Variants in PARD3B observed in about 807,000 individuals in gnomAD.
PARD3B encodes the protein partitioning defective 3 homolog B.
PARD3B carries 103 observed loss-of-function variants against 130.2 expected under a neutral mutation model. The observed-to-expected ratio is 0.79, with a 90% CI of 0.67 to 0.93. The LOEUF is 0.93. Ranked by LOEUF, PARD3B falls within the 40% of genes least tolerant of loss-of-function variation. PARD3B has a pLI of 0.00. For missense variants in PARD3B, 1,609 were observed against 1,499.2 expected, an observed-to-expected ratio of 1.07 and a Z score of -1.21; for synonymous variants, 583 against 553.2, an observed-to-expected ratio of 1.05 and a Z score of -0.76.
At chr2:204,905,438 T>G (rs2047010183) in intron 2 of PARD3B, among the ~76,000 whole-genome samples, 1 of 152,192 alleles carries the variant, frequency 6.6e-6, no homozygotes, top group African/African-American at 2.4e-5. Context: ...TTAAATAAAT[T>G]GTGGTTTATT....
intron 10 of PARD3B, among the ~76,000 whole-genome samples, chr2:205,152,658 ATCTTTTTT>A (rs1240589341): frequency 1.3e-5 from 2 of 152,114 alleles, no homozygotes; most frequent in Non-Finnish European, 2.9e-5. Flanking sequence ...CATTCGTCTA[ATCTTTTTT>A]CAAGGTTTTT....
At chr2:205,547,178 A>C (rs1418594866) in intron 21 of PARD3B, among the ~76,000 whole-genome samples, 1 of 152,188 alleles carries the variant, frequency 6.6e-6, no homozygotes, top group African/African-American at 2.4e-5. Flanking sequence ...ACATGTTTAC[A>C]TATTTGAAAG....
chr2:204,577,209 G>A (rs2032307864), intron 1 of PARD3B, among the ~76,000 whole-genome samples: 1 of 152,124 alleles, frequency 6.6e-6, no homozygotes, highest in South Asian at 2.1e-4. Context: ...GGAACCTTGG[G>A]CATAGAAAGT....
At chr2:205,505,078 A>T (rs1367737221) in intron 21 of PARD3B, among the ~76,000 whole-genome samples, 1 of 152,234 alleles carries the variant, frequency 6.6e-6, no homozygotes. Flanking sequence ...TGATGAGTTC[A>T]TGTCGTTTGT....
intron 2 of PARD3B, among the ~76,000 whole-genome samples, chr2:204,748,938 T>A (rs2040354247): frequency 6.6e-6 from 1 of 152,158 alleles, no homozygotes; most frequent in Non-Finnish European, 1.5e-5. Context: ...AGATGGAGAA[T>A]TTGTTCTTGC....
intron 20 of PARD3B, among the ~76,000 whole-genome samples, chr2:205,487,030 C>A (rs530126052): frequency 1.3e-5 from 2 of 152,296 alleles, no homozygotes; most frequent in African/African-American, 4.8e-5. Context: ...GTATATAATT[C>A]TGTGTTTATT....
chr2:205,107,806 C>A (rs1445334055), intron 5 of PARD3B, among the ~76,000 whole-genome samples: 1 of 152,208 alleles, frequency 6.6e-6, no homozygotes, highest in Non-Finnish European at 1.5e-5. Flanking sequence ...TGAAGCACCA[C>A]TCAACTTATT....
intron 18 of PARD3B, among the ~76,000 whole-genome samples, chr2:205,399,975 A>G (rs149023710): frequency 2.4e-4 from 37 of 152,238 alleles, no homozygotes; most frequent in African/African-American, 8.4e-4. Flanking sequence ...GTCTTGGTCA[A>G]GGTTCGACAC....
intron 10 of PARD3B, among the ~76,000 whole-genome samples, chr2:205,131,615 G>A (rs957040396): frequency 2.0e-5 from 3 of 152,176 alleles, no homozygotes; most frequent in African/African-American, 7.2e-5. Flanking sequence ...TTCAAAGTAT[G>A]TCAGGAACCA....
At chr2:205,537,154 T>G (rs1251379931) in intron 21 of PARD3B, among the ~76,000 whole-genome samples, 2 of 152,144 alleles carry the variant, frequency 1.3e-5, no homozygotes, top group Admixed American at 1.3e-4. Flanking sequence ...ATTCTCCAAC[T>G]GAGCCCACTA....
At chr2:205,455,302 A>G (rs1012205197) in intron 20 of PARD3B, among the ~76,000 whole-genome samples, 3 of 152,128 alleles carry the variant, frequency 2.0e-5, no homozygotes, top group African/African-American at 7.2e-5. Flanking sequence ...TCATTATACA[A>G]TCTTTGCTGA....
chr2:204,561,430 G>A (rs1168215102), intron 1 of PARD3B, among the ~76,000 whole-genome samples: 2 of 152,098 alleles, frequency 1.3e-5, no homozygotes, highest in Non-Finnish European at 2.9e-5. Flanking sequence ...GCTGAGCTGA[G>A]TGGACTTTCT....
chr2:205,328,452 A>T (rs1249042031), intron 18 of PARD3B, among the ~76,000 whole-genome samples: 2 of 152,176 alleles, frequency 1.3e-5, no homozygotes, highest in Non-Finnish European at 2.9e-5. Context: ...AATGGTTTTT[A>T]TAAGTAAATA....
At chr2:204,986,137 G>T (rs1693129543) in intron 3 of PARD3B, among the ~76,000 whole-genome samples, 1 of 146,106 alleles carries the variant, frequency 6.8e-6, no homozygotes, top group Admixed American at 6.9e-5. Context: ...GAGCTTATCT[G>T]GGCCCATATG....
chr2:204,551,852 A>G (rs981830481), intron 1 of PARD3B, among the ~76,000 whole-genome samples: 1 of 152,180 alleles, frequency 6.6e-6, no homozygotes, highest in Non-Finnish European at 1.5e-5. Flanking sequence ...TGTTAAAGAC[A>G]TCTGAGGAGT....
chr2:205,008,919 A>C (rs566052464), intron 3 of PARD3B, among the ~76,000 whole-genome samples: 4 of 152,224 alleles, frequency 2.6e-5, no homozygotes, highest in Non-Finnish European at 5.9e-5. Flanking sequence ...ACATGAGAAG[A>C]GTCTCAGAAA....
At chr2:204,707,556 A>G (rs1204495956) in intron 2 of PARD3B, among the ~76,000 whole-genome samples, 1 of 152,312 alleles carries the variant, frequency 6.6e-6, no homozygotes, top group South Asian at 2.1e-4. Flanking sequence ...AATTATTGTA[A>G]CTATGAATTA....
intron 2 of PARD3B, among the ~76,000 whole-genome samples, chr2:204,793,950 A>G (rs73982523): frequency 0.014 from 2,073 of 152,248 alleles, 51 homozygotes; most frequent in African/African-American, 0.048. Context: ...TACAAATCAT[A>G]ACTTTTTTTC....
chr2:205,418,049 C>T (rs954357106), intron 19 of PARD3B, among the ~76,000 whole-genome samples: 2 of 152,092 alleles, frequency 1.3e-5, no homozygotes, highest in South Asian at 2.1e-4. Flanking sequence ...GAAAGGTCAC[C>T]TTTACTTGGT....
Sources: allele counts gnomAD v4.1 joint callset (sites outside exome capture counted in the v4.1 genomes callset), GRCh38; gene constraint gnomAD v4.1.1; transcripts MANE v1.5; gene names NCBI Gene and HGNC (gene_info 2026-07-23, HGNC 2026-07-21).